The following FAM118A variants were observed in gnomAD, a reference collection of about 807,000 sequenced individuals.
FAM118A encodes the protein SIR2 antiphage like 2, also known as protein FAM118A.
FAM118A carries 25 observed loss-of-function variants against 38.2 expected under a neutral mutation model. The ratio of observed to expected loss-of-function variants is 0.65; its 90% confidence interval spans 0.48 to 0.91. FAM118A has a LOEUF of 0.91. Among genes scored for constraint, FAM118A ranks in the 40% least tolerant of loss-of-function variants. The pLI, the probability that FAM118A is intolerant of heterozygous loss-of-function variation, is 0.00. For missense variants in FAM118A, 425 were observed against 463.3 expected, an observed-to-expected ratio of 0.92 and a Z score of 0.76; for synonymous variants, 178 against 184.1, an observed-to-expected ratio of 0.97 and a Z score of 0.27.
intron 8 of FAM118A, among the ~76,000 whole-genome samples, chr22:45,338,595 A>G (rs541866713): frequency 3.1e-4 from 47 of 152,188 alleles, no homozygotes; most frequent in Non-Finnish European, 6.2e-4. Context: ...AACTCTGGAG[A>G]CAGAAGTCAA....
chr22:45,329,179 A>T (rs1020238893), intron 4 of FAM118A: 1 of 152,408 alleles, frequency 6.6e-6, no homozygotes, highest in African/African-American at 2.4e-5. Flanking sequence ...ATATATTTAC[A>T]GTTATAAATA....
intron 6 of FAM118A, among the ~76,000 whole-genome samples, chr22:45,334,208 T>C (rs2085926949): frequency 6.6e-6 from 1 of 152,228 alleles, no homozygotes; most frequent in African/African-American, 2.4e-5. Flanking sequence ...CTTGGTCATC[T>C]TGATATAAGG....
At chr22:45,314,272 C>G (rs962627476) in intron 1 of FAM118A, among the ~76,000 whole-genome samples, 1 of 152,246 alleles carries the variant, frequency 6.6e-6, no homozygotes, top group Non-Finnish European at 1.5e-5. Context: ...AGGGGCTGGT[C>G]TTTTTCCTGG....
chr22:45,323,051 G>T, intron 2 of FAM118A, 124 bp from the exon 3 acceptor site: 1 of 954,182 alleles, frequency 1.0e-6, no homozygotes, highest in Non-Finnish European at 1.6e-6. Context: ...CTGTGTGTGT[G>T]TGTGTGTGTG....
At chr22:45,327,735 T>C in intron 3 of FAM118A, 107 bp from the exon 4 acceptor site, 1 of 1,166,490 alleles carries the variant, frequency 8.6e-7, no homozygotes, top group Non-Finnish European at 1.2e-6. Flanking sequence ...CCAGATTTTC[T>C]TTGTTTTCAG....
intron 1 of FAM118A, among the ~76,000 whole-genome samples, chr22:45,314,145 T>C (rs952268746): frequency 1.3e-5 from 2 of 152,200 alleles, no homozygotes; most frequent in African/African-American, 4.8e-5. Context: ...CATCTCCTTG[T>C]CAGGAAAATG....
At chr22:45,313,762 C>A (rs547508325) in intron 1 of FAM118A, among the ~76,000 whole-genome samples, 2 of 152,310 alleles carry the variant, frequency 1.3e-5, no homozygotes, top group African/African-American at 4.8e-5. Flanking sequence ...AATGGAACTT[C>A]CTGTGGTAAC....
At chr22:45,320,063 T>C (rs1189330195) in intron 1 of FAM118A, among the ~76,000 whole-genome samples, 2 of 152,264 alleles carry the variant, frequency 1.3e-5, no homozygotes, top group Non-Finnish European at 2.9e-5. Context: ...GATCTAATGA[T>C]GCTTATGGAC....
chr22:45,316,670 G>T (rs1601883777), intron 1 of FAM118A, among the ~76,000 whole-genome samples: 1 of 152,298 alleles, frequency 6.6e-6, no homozygotes, highest in South Asian at 2.1e-4. Flanking sequence ...GTATTTCCCA[G>T]CCTCTTGTCT....
intron 1 of FAM118A, among the ~76,000 whole-genome samples, chr22:45,312,941 T>C (rs1289770952): frequency 1.3e-5 from 2 of 152,130 alleles, no homozygotes; most frequent in African/African-American, 4.8e-5. Context: ...AATTAAACCA[T>C]TGGCCTTTGG....
At chr22:45,322,896 A>G (rs983247653) in intron 2 of FAM118A, among the ~76,000 whole-genome samples, 1 of 152,230 alleles carries the variant, frequency 6.6e-6, no homozygotes, top group East Asian at 1.9e-4. Context: ...AATGATATGT[A>G]TCACTTAAAT....
At chr22:45,325,849 G>A (rs2085225713) in intron 3 of FAM118A, among the ~76,000 whole-genome samples, 1 of 152,116 alleles carries the variant, frequency 6.6e-6, no homozygotes, top group African/African-American at 2.4e-5. Context: ...GGGAGTGCAG[G>A]GGAGCCCCCA....
chr22:45,313,841 A>G (rs1308597698), intron 1 of FAM118A, among the ~76,000 whole-genome samples: 1 of 152,146 alleles, frequency 6.6e-6, no homozygotes, highest in Non-Finnish European at 1.5e-5. Context: ...AAATATGACT[A>G]ATGTGACGCA....
intron 6 of FAM118A, among the ~76,000 whole-genome samples, chr22:45,333,412 C>T (rs914927425): frequency 1.2e-4 from 19 of 152,162 alleles, no homozygotes; most frequent in Middle Eastern, 3.4e-3. Context: ...CGATAGCTCA[C>T]GCCTGTAATC....
At chr22:45,310,636 T>C (rs2084323530) in intron 1 of FAM118A, among the ~76,000 whole-genome samples, 1 of 152,166 alleles carries the variant, frequency 6.6e-6, no homozygotes, top group Non-Finnish European at 1.5e-5. Flanking sequence ...TTGAGGTCCC[T>C]GGACCTGCGG....
At chr22:45,313,145 A>T (rs1381940965) in intron 1 of FAM118A, among the ~76,000 whole-genome samples, 1 of 152,226 alleles carries the variant, frequency 6.6e-6, no homozygotes, top group East Asian at 1.9e-4. Flanking sequence ...TAGGAGTAGT[A>T]AGACGGGAAA....
chr22:45,314,324 C>T (rs112187135), intron 1 of FAM118A, among the ~76,000 whole-genome samples: 1,899 of 152,174 alleles, frequency 0.012, 19 homozygotes, highest in Middle Eastern at 0.031. Flanking sequence ...CTAATGGCAA[C>T]TCTTTCAACA....
At chr22:45,325,778 G>C (rs772388919) in intron 3 of FAM118A, among the ~76,000 whole-genome samples, 10 of 152,130 alleles carry the variant, frequency 6.6e-5, no homozygotes, top group Non-Finnish European at 1.2e-4. Flanking sequence ...GCGGACATGA[G>C]AATCACCCCA....
At chr22:45,330,978 C>T (rs899382433) in intron 5 of FAM118A, among the ~76,000 whole-genome samples, 7 of 152,184 alleles carry the variant, frequency 4.6e-5, no homozygotes, top group Non-Finnish European at 7.3e-5. Context: ...TTCATGATTC[C>T]TTTCAAAGCA....
Sources: allele counts gnomAD v4.1 joint callset (sites outside exome capture counted in the v4.1 genomes callset), GRCh38; gene constraint gnomAD v4.1.1; transcripts MANE v1.5; gene names NCBI Gene and HGNC (gene_info 2026-07-23, HGNC 2026-07-21).